The following HYAL4 variants were observed in gnomAD, a reference collection of about 807,000 sequenced individuals.
HYAL4 encodes hyaluronidase-4.
Under a neutral mutation model 35.2 loss-of-function variants are expected in HYAL4, and 37 were observed. The ratio of observed to expected loss-of-function variants is 1.05; its 90% CI spans 0.81 to 1.38. The LOEUF (loss-of-function observed/expected upper bound fraction) is 1.38, where lower values mean the gene tolerates loss of function less well. Ranked by LOEUF, HYAL4 falls within the 40% of genes most tolerant of loss-of-function variation. The pLI is 0.00. For synonymous variants in HYAL4, 198 were observed against 203.2 expected, an observed-to-expected ratio of 0.97 and a Z score of 0.22; for missense variants, 572 against 572.4, an observed-to-expected ratio of 1.00 and a Z score of 0.01.
chr7:123,841,249 A>G (rs11772466), upstream of HYAL4, among the ~76,000 whole-genome samples: 42,452 of 151,690 alleles, frequency 0.28, 6,625 homozygotes, highest in African/African-American at 0.39. Flanking sequence ...AGATAATCAT[A>G]TGGTTTTTGT....
At chr7:123,866,644 G>A (rs1376069317) in intron 2 of HYAL4, among the ~76,000 whole-genome samples, 1 of 152,138 alleles carries the variant, frequency 6.6e-6, no homozygotes, top group Non-Finnish European at 1.5e-5. Flanking sequence ...AACGTTTTAT[G>A]CCATCAAACC....
chr7:123,837,951 C>G (rs1292332530), intron 1 of HYAL4, among the ~76,000 whole-genome samples: 3 of 152,084 alleles, frequency 2.0e-5, no homozygotes, highest in Admixed American at 1.3e-4. Context: ...CAAGTCATTG[C>G]TATTGTGAAT....
the HYAL4 span, among the ~76,000 whole-genome samples, chr7:123,777,443 A>G: frequency 6.6e-6 from 1 of 152,226 alleles, no homozygotes; most frequent in South Asian, 2.1e-4. Flanking sequence ...AAAATTAAAA[A>G]TTATACATGT....
At chr7:123,802,869 A>G in the HYAL4 span, among the ~76,000 whole-genome samples, 1 of 152,236 alleles carries the variant, frequency 6.6e-6, no homozygotes, top group Non-Finnish European at 1.5e-5. Context: ...ACTATATTAC[A>G]CTACTGTGTA....
At chr7:123,865,004 A>G (rs113133839) in intron 2 of HYAL4, among the ~76,000 whole-genome samples, 63 of 152,158 alleles carry the variant, frequency 4.1e-4, no homozygotes, top group African/African-American at 1.4e-3. Flanking sequence ...CCTCCAGTTC[A>G]CCAGAACAAA....
At chr7:123,794,418 C>T in the HYAL4 span, among the ~76,000 whole-genome samples, 1 of 152,158 alleles carries the variant, frequency 6.6e-6, no homozygotes, top group East Asian at 1.9e-4. Context: ...ATGTCGAGAC[C>T]TTTGTGGCAG....
the HYAL4 span, among the ~76,000 whole-genome samples, chr7:123,800,476 TAA>T: frequency 5.5e-3 from 665 of 120,274 alleles, 4 homozygotes; most frequent in African/African-American, 0.019. Context: ...GCCTGAAAAT[TAA>T]AAAAAAAAAA....
the HYAL4 span, among the ~76,000 whole-genome samples, chr7:123,780,937 C>A: frequency 1.1e-5 from 1 of 89,278 alleles, no homozygotes; most frequent in African/African-American, 5.1e-5. Flanking sequence ...CTGCGGAAGG[C>A]CGCAGGGACC....
chr7:123,819,438 A>G, the HYAL4 span: 2 of 152,602 alleles, frequency 1.3e-5, no homozygotes, highest in African/African-American at 2.4e-5. Flanking sequence ...AAGGTAAGCA[A>G]TGATTTCTCT....
At chr7:123,870,543 C>T (rs1806849539) in intron 3 of HYAL4, among the ~76,000 whole-genome samples, 1 of 152,088 alleles carries the variant, frequency 6.6e-6, no homozygotes, top group Non-Finnish European at 1.5e-5. Context: ...GCAGGTGGAT[C>T]ACAAGGTCAG....
the HYAL4 span, chr7:123,790,602 T>G: frequency 6.6e-6 from 1 of 150,702 alleles, no homozygotes; most frequent in Non-Finnish European, 1.5e-5. Flanking sequence ...TTTTTTTTTT[T>G]TTTTAAATAT....
At chr7:123,870,029 A>G (rs1338987263) in intron 3 of HYAL4, among the ~76,000 whole-genome samples, 1 of 152,176 alleles carries the variant, frequency 6.6e-6, no homozygotes, top group Non-Finnish European at 1.5e-5. Flanking sequence ...ACCTTTCTAC[A>G]TTGAGAAGAC....
At chr7:123,800,503 AAAAG>A in the HYAL4 span, among the ~76,000 whole-genome samples, 13 of 151,068 alleles carry the variant, frequency 8.6e-5, no homozygotes, top group African/African-American at 2.9e-4. Flanking sequence ...AAATTAAAAA[AAAAG>A]AAGTTTTTCT....
chr7:123,810,413 G>T, the HYAL4 span, among the ~76,000 whole-genome samples: 1 of 152,104 alleles, frequency 6.6e-6, no homozygotes, highest in Non-Finnish European at 1.5e-5. Flanking sequence ...GAAACTCCTT[G>T]TTGGTCACAT....
the HYAL4 span, among the ~76,000 whole-genome samples, chr7:123,802,823 T>C: frequency 6.6e-6 from 1 of 152,242 alleles, no homozygotes; most frequent in Non-Finnish European, 1.5e-5. Context: ...ATAGGATACA[T>C]ATTTTAAGAT....
chr7:123,826,242 C>T (rs571358992), upstream of HYAL4, among the ~76,000 whole-genome samples: 6 of 152,060 alleles, frequency 3.9e-5, no homozygotes, highest in Non-Finnish European at 8.8e-5. Context: ...ATAGGAAATG[C>T]ACTGATTCAA....
At position 123,845,217 on chromosome 7, in the gene HYAL4, T is replaced by C. The variant is rs1338453654; in HGVS notation, c.-590T>C. The C allele has an allele frequency of 7.0e-6, 1 of 142,584 alleles. No individual in the cohort carries two copies. Among genetic ancestry groups the C allele is most frequent in the African/African-American group, 2.6e-5 (1 of 38,238 alleles). 8.8% of individuals were successfully genotyped at this position (142,584 alleles called of 1,614,324 possible). A position where few individuals can be genotyped will look rare whatever the true frequency, so the allele number is the denominator to read the frequency against. On this transcript the variant is annotated 5_prime_UTR_variant, in exon 1 of 5. Transcript: ENST00000223026. The stretch of plus-strand genomic sequence containing the variant: ...ATTTCTTTTCCTTTTTTTTTTTTTT[T>C]TTTTTTTTTGAGATGAAGTCTTACT...
At chr7:123,799,117 G>A in the HYAL4 span, among the ~76,000 whole-genome samples, 1 of 152,100 alleles carries the variant, frequency 6.6e-6, no homozygotes, top group African/African-American at 2.4e-5. Context: ...ATTTATCAGA[G>A]TTCACTGTAT....
chr7:123,876,286 GACTATGATTCAGGCTCTAAC>G (rs1338361434), intron 4 of HYAL4, among the ~76,000 whole-genome samples: 1 of 152,200 alleles, frequency 6.6e-6, no homozygotes, highest in Non-Finnish European at 1.5e-5. Flanking sequence ...ATAAATGATG[GACTATGATTCAGGCTCTAAC>G]ACAACCAAGG....
Sources: allele counts gnomAD v4.1 joint callset (sites outside exome capture counted in the v4.1 genomes callset), GRCh38; gene constraint gnomAD v4.1.1; transcripts MANE v1.5; gene names NCBI Gene and HGNC (gene_info 2026-07-23, HGNC 2026-07-21).